Variants in SLC30A10 observed in about 807,000 individuals in gnomAD.
SLC30A10 encodes calcium/manganese antiporter SLC30A10.
SLC30A10 carries 8 observed loss-of-function variants against 21.7 expected under a neutral mutation model. The ratio of observed to expected loss-of-function variants is 0.37; its 90% CI spans 0.22 to 0.67. The LOEUF is 0.67. SLC30A10 is among the 30% of genes least tolerant of loss of function. The pLI is 0.58. For missense variants in SLC30A10, 521 were observed against 642.5 expected, an observed-to-expected ratio of 0.81 and a Z score of 2.04; for synonymous variants, 272 against 279.4, an observed-to-expected ratio of 0.97 and a Z score of 0.26.
At chr1:219,952,331 G>A (rs1023485117) in intron 1 of SLC30A10, among the ~76,000 whole-genome samples, 1 of 152,182 alleles carries the variant, frequency 6.6e-6, no homozygotes, top group African/African-American at 2.4e-5. Flanking sequence ...AGAAACTGAG[G>A]TTTAGAAAGT....
chr1:219,945,552 G>T (rs770946777), intron 1 of SLC30A10, among the ~76,000 whole-genome samples: 16 of 152,160 alleles, frequency 1.1e-4, no homozygotes, highest in Non-Finnish European at 2.1e-4. Flanking sequence ...ACAAAAATGT[G>T]AAAACAGCAA....
intron 1 of SLC30A10, among the ~76,000 whole-genome samples, chr1:219,934,847 G>A (rs534569571): frequency 5.3e-5 from 8 of 152,266 alleles, no homozygotes; most frequent in African/African-American, 1.9e-4. Flanking sequence ...TGCTCTCTGT[G>A]TTTCTTACCA....
chr1:219,915,990 C>T (rs1321668615), intron 3 of SLC30A10, 42 bp from the exon 4 acceptor site: 2 of 1,580,026 alleles, frequency 1.3e-6, no homozygotes, highest in South Asian at 2.3e-5. Flanking sequence ...GTGAGCGCTG[C>T]ATTTGAAACA....
At chr1:219,929,951 C>CT (rs1011539110), upstream of SLC30A10, among the ~76,000 whole-genome samples, 4 of 152,278 alleles carry the variant, frequency 2.6e-5, no homozygotes, top group African/African-American at 9.6e-5. Flanking sequence ...TCTCTTCCTG[C>CT]TGTGGAGGTT....
rs1659511649 is a variant in SLC30A10, at chr1:219,915,489, G to A, written c.1418C>T (p.Thr473Ile). The A allele has an allele frequency of 1.2e-6, 2 of 1,614,110 alleles. No homozygotes were observed. Among genetic ancestry groups the A allele is most frequent in the Non-Finnish European group, 1.7e-6 (2 of 1,180,048 alleles). ...LSDHGQSLNK[T>I]QEDQCYVNRT... is the part of the protein sequence containing the mutation. ...GTTGACATAACATTGGTCCTCCTGA[G>A]TTTTGTTAAGACTTTGTCCGTGGTC... The change falls in exon 4 of 4, where the codon ACT (threonine) becomes ATT (isoleucine). Residue 473 changes from threonine (T) to isoleucine (I), a missense_variant. Transcript: ENST00000366926.
chr1:219,928,333 C>T lies in SLC30A10; in HGVS notation c.108G>A (p.Ala36=). ...GCATGTTGAAGGAGTCGGAGAGCAG[C>T]GCGATGGAGTTGCCCAGGTAGCCGG... ...LVSGYLGNSI[A]LLSDSFNMLS... The change falls in exon 1 of 4, where the codon GCG becomes GCA. Residue 36 remains alanine (A), a synonymous_variant. Coordinates refer to ENST00000366926, the MANE Select transcript of SLC30A10 (RefSeq NM_018713.3). The surrounding 1 kb of genome is among the most constrained non-coding windows in gnomAD (Gnocchi z 6.3). The T allele has an allele frequency of 6.2e-7, 1 of 1,612,746 alleles. No individual in the cohort carries two copies.
intron 1 of SLC30A10, among the ~76,000 whole-genome samples, chr1:219,946,887 A>G (rs1037278766): frequency 6.6e-6 from 1 of 152,210 alleles, no homozygotes; most frequent in Non-Finnish European, 1.5e-5. Flanking sequence ...TTATTTCTCA[A>G]GTAGTTCCAG....
rs370930114 is a variant in SLC30A10, at chr1:219,915,985, C to T, written c.959-37G>A. 59 of 1,585,636 alleles carry T rather than the reference C, an allele frequency of 3.7e-5. No individual in the cohort carries two copies. In the African/African-American group the frequency reaches 6.7e-4, roughly 18 times the overall value. On this transcript the variant is annotated intron_variant, in intron 3 of 3. Coordinates refer to ENST00000366926, the MANE Select transcript of SLC30A10 (RefSeq NM_018713.3). ...AAGAGCAAACAAAAGCCAAGGTGAG[C>T]GCTGCATTTGAAACATGGAACTACA...
chr1:219,920,473 C>G (rs1228117887), intron 2 of SLC30A10, among the ~76,000 whole-genome samples: 2 of 152,104 alleles, frequency 1.3e-5, no homozygotes, highest in Admixed American at 1.3e-4. Flanking sequence ...TCCATTTCCT[C>G]CGTAAGTAAC....
intron 3 of SLC30A10, among the ~76,000 whole-genome samples, chr1:219,916,968 G>GTTT (rs749604118): frequency 3.8e-5 from 5 of 132,296 alleles, no homozygotes; most frequent in African/African-American, 5.5e-5. Context: ...ATCTTGTGGG[G>GTTT]TTTTTTTTTT....
At chr1:219,945,579 T>A (rs1412539340) in intron 1 of SLC30A10, among the ~76,000 whole-genome samples, 2 of 151,600 alleles carry the variant, frequency 1.3e-5, no homozygotes, top group Non-Finnish European at 2.9e-5. Context: ...AAAAAAGAAG[T>A]TACAAAACAT....
At position 219,928,523 on chromosome 1, in the gene SLC30A10, C is replaced by A. The variant is rs1296581575; in HGVS notation, c.-83G>T. 1.3e-5 allele frequency: 17 copies of A among 1,303,440 alleles called. No individual in the cohort carries two copies. The African/African-American group carries it at 1.9e-4, about 14-fold the overall frequency. The allele number at this position is 1,303,440 out of a possible 1,614,324, so 80.7% of individuals were successfully genotyped here. A position where few individuals can be genotyped will look rare whatever the true frequency, so the allele number is the denominator to read the frequency against. ...GCAGCCACAGGTGGGGGGCGCGGCG[C>A]GGATCCGTGAGGCCCGGTACCCGCC... On this transcript the variant is annotated 5_prime_UTR_variant, in exon 1 of 4. Coordinates refer to ENST00000366926, the MANE Select transcript of SLC30A10 (RefSeq NM_018713.3). This position sits in a 1 kb window ranked among gnomAD's most constrained non-coding sequence, Gnocchi z 6.3.
At chr1:219,949,684 G>A (rs547166697) in intron 1 of SLC30A10, among the ~76,000 whole-genome samples, 3 of 151,594 alleles carry the variant, frequency 2.0e-5, no homozygotes, top group South Asian at 2.1e-4. Context: ...ACACCAGCAC[G>A]ACACATGTAT....
intron 1 of SLC30A10, among the ~76,000 whole-genome samples, chr1:219,951,284 T>A (rs150592416): frequency 6.1e-4 from 93 of 151,656 alleles, no homozygotes; most frequent in African/African-American, 2.2e-3. Context: ...TTAAAATAGG[T>A]GTAATGATAC....
rs1553311732 is a variant in SLC30A10, at chr1:219,911,159, T to TG, written c.*4289_*4290insC. 7.2e-4 allele frequency among the ~76,000 whole-genome samples: 93 copies of TG among 128,328 alleles called. 1 individual carries two copies. The highest frequency in any genetic ancestry group is 4.0e-3 in the East Asian group (19 of 4,760). 84.2% of individuals were successfully genotyped at this position (128,328 alleles called of 152,430 possible). ...ATTTTTTCTACATCAGTTTTTTTTT[T>TG]TTTTTTTTTTTTTTTGCAGTCTTTT... On this transcript the variant is annotated 3_prime_UTR_variant, in exon 4 of 4. Transcript: ENST00000366926.
chr1:219,927,666 A>AAGAAC, intron 1 of SLC30A10, 135 bp downstream of exon 1: 2 of 249,514 alleles, frequency 8.0e-6, no homozygotes, highest in Admixed American at 2.4e-4. Flanking sequence ...AAAAAAAAAA[A>AAGAAC]AACAACAACA....
At chr1:219,939,502 C>A (rs1334785615) in intron 1 of SLC30A10, among the ~76,000 whole-genome samples, 1 of 151,926 alleles carries the variant, frequency 6.6e-6, no homozygotes, top group Non-Finnish European at 1.5e-5. Flanking sequence ...TATCTTGGAT[C>A]GCTGCAACCT....
Position 219,953,869 on chromosome 1 carries a change from G to A in SLC30A10, n.80+4699C>T, listed in dbSNP as rs976457775. Among the ~76,000 whole-genome samples the A allele has an allele frequency of 3.7e-4, 56 of 151,562 alleles. 1 individual carries two copies. The highest frequency in any genetic ancestry group is 1.2e-3 in the African/African-American group (50 of 41,380). ...CTACAGGCGCCTGCCACCACGCCCG[G>A]CTAATTTTTTGTATATTTAGTAGAG... On this transcript the variant is annotated intron_variant and non_coding_transcript_variant, in intron 1 of 8. Coordinates refer to the SLC30A10 transcript ENST00000484239.
At chr1:219,922,852 T>TA (rs142120091) in intron 2 of SLC30A10, among the ~76,000 whole-genome samples, 3,146 of 152,250 alleles carry the variant, frequency 0.021, 85 homozygotes, top group East Asian at 0.085. Flanking sequence ...TTATCTCCAT[T>TA]ATATAGATGA....
Sources: gnomAD v4.1 joint callset for allele counts (sites outside exome capture counted in the v4.1 genomes callset) on GRCh38, gnomAD v4.1.1 for gene constraint, Gnocchi (gnomAD v3.1) non-coding constraint, MANE v1.5 for transcripts, NCBI Gene and HGNC (gene_info 2026-07-23, HGNC 2026-07-21) for gene names.